Variants in RCBTB2 observed in about 807,000 individuals in gnomAD.
RCBTB2 encodes the protein RCC1 and BTB domain containing protein 2, also known as RCC1 and BTB domain-containing protein 2.
In RCBTB2, 55 loss-of-function variants were observed where a neutral mutation model predicts 65.4. That is an observed-to-expected ratio of 0.84 (90% CI 0.68 to 1.05). RCBTB2 has a LOEUF of 1.05. Ranked by LOEUF, RCBTB2 falls within the 50% of genes least tolerant of loss-of-function variation. The probability of loss-of-function intolerance (pLI) is 0.00; values close to 1 mark genes in which losing one functional copy is unlikely to be tolerated. For missense variants in RCBTB2, 599 were observed against 680.1 expected (o/e 0.88, Z 1.33); for synonymous variants, 220 against 255.2 (o/e 0.86, Z 1.31).
chr13:48,528,688 G>A (rs925648500), intron 1 of RCBTB2, among the ~76,000 whole-genome samples: 28 of 152,048 alleles, frequency 1.8e-4, no homozygotes, highest in Admixed American at 1.2e-3. Flanking sequence ...ATATAAATAC[G>A]TATACAATAA....
upstream of RCBTB2, among the ~76,000 whole-genome samples, chr13:48,534,703 C>A (rs1033813454): frequency 5.9e-5 from 9 of 152,176 alleles, no homozygotes; most frequent in Admixed American, 4.6e-4. Context: ...AACAGTTTTT[C>A]CCAGGGCGGT....
At chr13:48,527,337 G>C (rs200255608) in intron 1 of RCBTB2, among the ~76,000 whole-genome samples, 24 of 112,158 alleles carry the variant, frequency 2.1e-4, no homozygotes, top group East Asian at 1.3e-3. Flanking sequence ...ATATATATAT[G>C]ATATATATAT....
intron 4 of RCBTB2, among the ~76,000 whole-genome samples, chr13:48,518,280 A>G (rs1263565083): frequency 1.3e-5 from 2 of 152,044 alleles, no homozygotes; most frequent in Non-Finnish European, 2.9e-5. Context: ...TACCAGGGCT[A>G]AGCTCTCCTG....
At chr13:48,504,213 T>C (rs1359027456) in intron 10 of RCBTB2, 28 of 985,346 alleles carry the variant, frequency 2.8e-5, no homozygotes, top group Non-Finnish European at 3.1e-5. Context: ...CTCTCTCTTC[T>C]GCCCCAACTC....
rs1289988843 is a variant in RCBTB2, at chr13:48,493,959, G to GCATAAATA, written c.1515+2224_1515+2231dup. Among the ~76,000 whole-genome samples, 4 of 152,170 alleles carry GCATAAATA rather than the reference G, an allele frequency of 2.6e-5. No individual in the cohort carries two copies. The East Asian group carries it at 7.7e-4, about 29-fold the overall frequency. On this transcript the variant is annotated intron_variant, in intron 14 of 14. Transcript: ENST00000344532. ...CTCAGTGAATATTTGTTGAATCCAT[G>GCATAAATA]CATAAATACTCCTGATTTCAAAATA...
At position 48,505,465 on chromosome 13, in the gene RCBTB2, C is replaced by A. The variant is rs770371835; in HGVS notation, c.927-2551G>T. Among the ~76,000 whole-genome samples, 3 of 152,332 alleles carry A rather than the reference C, an allele frequency of 2.0e-5. No homozygotes were observed. The East Asian group carries it at 5.8e-4, about 29-fold the overall frequency. The stretch of plus-strand genomic sequence containing the variant: ...CCTAATCCAGTGCTGTGCAAAAGAA[C>A]CGTGCCAGACGGGGAAAATGGTTAA... On this transcript the variant is annotated intron_variant, in intron 10 of 14. Coordinates refer to ENST00000344532, the MANE Select transcript of RCBTB2 (RefSeq NM_001268.4).
intron 14 of RCBTB2, chr13:48,491,764 C>G (rs1949709744): frequency 1.3e-5 from 2 of 152,090 alleles, no homozygotes; most frequent in Admixed American, 1.3e-4. Context: ...TGAAAGGACC[C>G]TAAAAAGTTA....
At chr13:48,495,330 T>G (rs1949921017) in intron 14 of RCBTB2, among the ~76,000 whole-genome samples, 1 of 152,202 alleles carries the variant, frequency 6.6e-6, no homozygotes, top group African/African-American at 2.4e-5. Flanking sequence ...TTCAGTCTTT[T>G]TTTCTATGTA....
At chr13:48,500,463 C>A (rs1395078305) in intron 12 of RCBTB2, among the ~76,000 whole-genome samples, 1 of 152,164 alleles carries the variant, frequency 6.6e-6, no homozygotes, top group South Asian at 2.1e-4. Context: ...GAGGCTGAGG[C>A]AGGAGAATCA....
chr13:48,531,816 T>C (rs1323338061), intron 1 of RCBTB2, among the ~76,000 whole-genome samples: 1 of 152,214 alleles, frequency 6.6e-6, no homozygotes, highest in African/African-American at 2.4e-5. Context: ...TCATATAAGA[T>C]TACAAAGCAC....
At chr13:48,499,259 G>C (rs1364994341) in intron 13 of RCBTB2, among the ~76,000 whole-genome samples, 2 of 151,766 alleles carry the variant, frequency 1.3e-5, no homozygotes, top group Admixed American at 6.6e-5. Flanking sequence ...CATTTTCCCA[G>C]CCTCCTAAGC....
In RCBTB2 at chr13:48,511,851, G is replaced by C; in HGVS notation, c.702C>G (p.Asn234Lys). The change falls in exon 9 of 15, where the codon AAC (asparagine) becomes AAG (lysine). Residue 234 changes from asparagine to lysine, a missense_variant. By Grantham distance (94) the Asn-to-Lys change is moderately conservative. Transcript: ENST00000344532. ...GEVYVWGYNG[N>K]GQLGLGNSGN... is the part of the protein sequence containing the mutation. The stretch of plus-strand genomic sequence containing the variant: ...CACTGTTGCCGAGTCCAAGCTGCCC[G>C]TTTCCGTTGTAACCCCAGACATAGA... 1 of 1,614,108 alleles carries C rather than the reference G, an allele frequency of 6.2e-7. No individual in the cohort carries two copies. Among genetic ancestry groups the C allele is most frequent in the Non-Finnish European group, 8.5e-7 (1 of 1,180,024 alleles).
At chr13:48,507,743 C>T (rs1950576745) in intron 10 of RCBTB2, among the ~76,000 whole-genome samples, 2 of 152,188 alleles carry the variant, frequency 1.3e-5, no homozygotes, top group Admixed American at 1.3e-4. Flanking sequence ...TACCAACTAC[C>T]TCAGAAGTCA....
chr13:48,533,841 T>G (rs1952309180), upstream of RCBTB2, among the ~76,000 whole-genome samples: 1 of 152,236 alleles, frequency 6.6e-6, no homozygotes, highest in Non-Finnish European at 1.5e-5. Flanking sequence ...GCTCAACAAT[T>G]AAATGTTATT....
upstream of RCBTB2, among the ~76,000 whole-genome samples, chr13:48,533,790 T>G (rs1952307342): frequency 6.6e-6 from 1 of 152,250 alleles, no homozygotes; most frequent in African/African-American, 2.4e-5. Flanking sequence ...TTTCTTCCAC[T>G]GCACTACACT....
intron 1 of RCBTB2, 153 bp downstream of exon 1, chr13:48,532,875 G>T (rs1471856838): frequency 2.5e-6 from 1 of 398,422 alleles, no homozygotes; most frequent in African/African-American, 2.1e-5. Flanking sequence ...GCACGGTCGC[G>T]GCTCTAGTCC....
intron 13 of RCBTB2, among the ~76,000 whole-genome samples, chr13:48,498,590 C>T (rs543078099): frequency 1.3e-5 from 2 of 152,156 alleles, no homozygotes; most frequent in South Asian, 2.1e-4. Flanking sequence ...ATTAGCCAGG[C>T]GTGGTGGTGC....
chr13:48,501,371 T>G (rs1950223353), intron 12 of RCBTB2, among the ~76,000 whole-genome samples: 1 of 152,186 alleles, frequency 6.6e-6, no homozygotes, highest in Non-Finnish European at 1.5e-5. Context: ...CACAAGTGAT[T>G]ATAAGAAGGT....
At position 48,490,256 on chromosome 13, in the gene RCBTB2, G is replaced by A; in HGVS notation, c.1516-5C>T. The stretch of plus-strand genomic sequence containing the variant: ...GAAGCAGAATTCTTCTAAATCCTAG[G>A]AACAACAACAAAGATGGTTTAATAA... On this transcript the variant is annotated splice_region_variant and splice_polypyrimidine_tract_variant and intron_variant, in intron 14 of 14. Transcript: ENST00000344532. The A allele has an allele frequency of 1.2e-6, 2 of 1,609,554 alleles. No individual in the cohort carries two copies. Among genetic ancestry groups the A allele is most frequent in the Non-Finnish European group, 1.7e-6 (2 of 1,177,064 alleles).
Sources: allele counts gnomAD v4.1 joint callset (sites outside exome capture counted in the v4.1 genomes callset), GRCh38; gene constraint gnomAD v4.1.1; transcripts MANE v1.5; gene names NCBI Gene and HGNC (gene_info 2026-07-23, HGNC 2026-07-21).